The following DLGAP2 variants were observed in gnomAD, a reference collection of about 807,000 sequenced individuals.
DLGAP2 encodes disks large-associated protein 2.
A neutral mutation model predicts 100.3 loss-of-function variants in DLGAP2; 26 were observed. That is an observed-to-expected ratio of 0.26 (90% CI 0.19 to 0.36). DLGAP2 has a LOEUF of 0.36. Ranked by LOEUF, DLGAP2 falls within the 10% of genes least tolerant of loss-of-function variation. The pLI, the probability that DLGAP2 is intolerant of heterozygous loss-of-function variation, is 1.00. For synonymous variants in DLGAP2, 886 were observed against 630.1 expected, an observed-to-expected ratio of 1.41 and a Z score of -6.08; for missense variants, 1,858 against 1,453.2, an observed-to-expected ratio of 1.28 and a Z score of -4.53.
intron 2 of DLGAP2, among the ~76,000 whole-genome samples, chr8:1,200,616 C>G (rs1033556188): frequency 6.6e-6 from 1 of 152,188 alleles, no homozygotes; most frequent in African/African-American, 2.4e-5. Context: ...GTCACCAAAG[C>G]GTCACTTGCG....
At chr8:746,571 C>T (rs760295614) in intron 1 of DLGAP2, among the ~76,000 whole-genome samples, 50 of 152,264 alleles carry the variant, frequency 3.3e-4, no homozygotes, top group Admixed American at 9.2e-4. Context: ...GTCCCTGCAC[C>T]TGACACCTTG....
At chr8:1,342,454 G>A (rs1585278263) in intron 3 of DLGAP2, among the ~76,000 whole-genome samples, 1 of 152,166 alleles carries the variant, frequency 6.6e-6, no homozygotes, top group Non-Finnish European at 1.5e-5. Context: ...GTTATTGAAT[G>A]GTACCGAGCA....
intron 1 of DLGAP2, among the ~76,000 whole-genome samples, chr8:849,119 G>A (rs1051114463): frequency 1.3e-5 from 2 of 151,406 alleles, no homozygotes; most frequent in Non-Finnish European, 3.0e-5. Context: ...TGCAGTGTCT[G>A]TTCTGGTATA....
At chr8:860,350 A>G (rs1221707080) in intron 1 of DLGAP2, among the ~76,000 whole-genome samples, 3 of 152,236 alleles carry the variant, frequency 2.0e-5, no homozygotes, top group Non-Finnish European at 4.4e-5. Flanking sequence ...AGCGAATAGC[A>G]GAGCTTCTGA....
At chr8:1,661,575 GA>G (rs1414514220) in intron 8 of DLGAP2, among the ~76,000 whole-genome samples, 3 of 152,192 alleles carry the variant, frequency 2.0e-5, no homozygotes, top group African/African-American at 7.2e-5. Context: ...CCATGTATGG[GA>G]AAACAGAAAT....
At chr8:1,475,501 G>A (rs1257699283) in intron 3 of DLGAP2, among the ~76,000 whole-genome samples, 1 of 152,136 alleles carries the variant, frequency 6.6e-6, no homozygotes, top group Non-Finnish European at 1.5e-5. Flanking sequence ...GTTTTGCTTT[G>A]GAGGTGCCCC....
At chr8:1,093,718 C>T (rs1042141862) in intron 2 of DLGAP2, among the ~76,000 whole-genome samples, 5 of 152,262 alleles carry the variant, frequency 3.3e-5, no homozygotes, top group African/African-American at 9.6e-5. Context: ...GCCAGAAACA[C>T]CTTCACACTG....
intron 12 of DLGAP2, among the ~76,000 whole-genome samples, chr8:1,681,317 G>T (rs1741459542): frequency 6.7e-6 from 1 of 149,074 alleles, no homozygotes; most frequent in South Asian, 2.1e-4. Flanking sequence ...TATCATTTTT[G>T]AAAAGATATC....
intron 3 of DLGAP2, among the ~76,000 whole-genome samples, chr8:1,361,018 G>C (rs1246286346): frequency 6.6e-6 from 1 of 152,234 alleles, no homozygotes; most frequent in Non-Finnish European, 1.5e-5. Flanking sequence ...ATCCTGAGAA[G>C]GGGAAGGAAA....
chr8:1,146,124 G>A (rs1358336337), intron 2 of DLGAP2, among the ~76,000 whole-genome samples: 4 of 152,122 alleles, frequency 2.6e-5, no homozygotes, highest in Non-Finnish European at 4.4e-5. Flanking sequence ...CCAGGAGGGC[G>A]CCTGCCACAC....
At chr8:902,533 G>A (rs1205490603) in intron 1 of DLGAP2, among the ~76,000 whole-genome samples, 2 of 138,968 alleles carry the variant, frequency 1.4e-5, no homozygotes, top group Non-Finnish European at 3.1e-5. Flanking sequence ...ATACAGCCCC[G>A]GCGGCCTTGG....
At chr8:1,654,024 C>T (rs751103255) in intron 8 of DLGAP2, among the ~76,000 whole-genome samples, 53 of 152,192 alleles carry the variant, frequency 3.5e-4, no homozygotes, top group Non-Finnish European at 5.4e-4. Flanking sequence ...AATGTCTGCG[C>T]ACTCACTATT....
At chr8:1,151,399 G>A (rs1056757937) in intron 2 of DLGAP2, among the ~76,000 whole-genome samples, 3 of 152,202 alleles carry the variant, frequency 2.0e-5, no homozygotes, top group Non-Finnish European at 4.4e-5. Flanking sequence ...AGGGTAACAC[G>A]ATGCAGAGAA....
At chr8:789,457 C>A (rs1299269738) in intron 1 of DLGAP2, among the ~76,000 whole-genome samples, 1 of 152,172 alleles carries the variant, frequency 6.6e-6, no homozygotes, top group African/African-American at 2.4e-5. Context: ...CCCCTGTGAT[C>A]CAGTTACCCC....
At position 1,598,595 on chromosome 8, in the gene DLGAP2, G is replaced by T. The variant is rs534230673; in HGVS notation, c.1443-28145G>T. Among the ~76,000 whole-genome samples the T allele has an allele frequency of 4.6e-5, 7 of 152,258 alleles. No homozygotes were observed. In the South Asian group the frequency reaches 1.5e-3, roughly 32 times the overall value. On this transcript the variant is annotated intron_variant, in intron 6 of 14. Coordinates refer to ENST00000637795, the MANE Select transcript of DLGAP2 (RefSeq NM_001346810.2). ...ACTTATTCCTCATTTAGTCTTGGGAGGGTGTATGTTTCCAGGAATGTATCA... is the reference window on the plus strand; with the variant it reads ...ACTTATTCCTCATTTAGTCTTGGGATGGTGTATGTTTCCAGGAATGTATCA...
intron 2 of DLGAP2, among the ~76,000 whole-genome samples, chr8:1,039,584 G>T (rs1802247198): frequency 8.8e-6 from 1 of 113,572 alleles, no homozygotes; most frequent in Non-Finnish European, 1.8e-5. Flanking sequence ...GGTCAGCTCG[G>T]TGTGCGTGGT....
chr8:1,038,118 T>A lies in DLGAP2; in HGVS notation c.73+130152T>A, dbSNP rs565429203. 5.3e-5 allele frequency among the ~76,000 whole-genome samples: 8 copies of A among 152,346 alleles called. No homozygotes were observed. The South Asian group carries it at 1.7e-3, about 32-fold the overall frequency. On this transcript the variant is annotated intron_variant, in intron 2 of 14. Transcript: ENST00000637795. Reference sequence around the variant, plus strand: ...TGTGTGTTAAGTGTGTGTGTTCATATACAAGTGTTCGTCCCTCTGGAGTCG... The same window carrying A: ...TGTGTGTTAAGTGTGTGTGTTCATAAACAAGTGTTCGTCCCTCTGGAGTCG...
At chr8:1,344,830 A>G (rs369501486) in intron 3 of DLGAP2, among the ~76,000 whole-genome samples, 1 of 152,194 alleles carries the variant, frequency 6.6e-6, no homozygotes, top group Non-Finnish European at 1.5e-5. Context: ...CAGGTACAGA[A>G]CACATGTTTG....
At chr8:818,648 C>T (rs981089328) in intron 1 of DLGAP2, among the ~76,000 whole-genome samples, 1 of 152,206 alleles carries the variant, frequency 6.6e-6, no homozygotes, top group Non-Finnish European at 1.5e-5. Context: ...TGCCTCCTAT[C>T]TGTCATCTTA....
Sources: allele counts gnomAD v4.1 joint callset (sites outside exome capture counted in the v4.1 genomes callset), GRCh38; gene constraint gnomAD v4.1.1; transcripts MANE v1.5; gene names NCBI Gene and HGNC (gene_info 2026-07-23, HGNC 2026-07-21).